SENP7: variants seen among roughly 807,000 people sequenced by gnomAD.
The protein encoded by SENP7 is SUMO specific peptidase 7.
A neutral mutation model predicts 141.2 loss-of-function variants in SENP7; 64 were observed. That is an observed-to-expected ratio of 0.45 (90% CI 0.37 to 0.56). SENP7 has a LOEUF of 0.56. Ranked by LOEUF, SENP7 falls within the 20% of genes least tolerant of loss-of-function variation. The pLI, the probability that SENP7 is intolerant of heterozygous loss-of-function variation, is 0.00. For missense variants in SENP7, 1,025 were observed against 1,212.2 expected, an observed-to-expected ratio of 0.85 and a Z score of 2.29; for synonymous variants, 382 against 426.4, an observed-to-expected ratio of 0.90 and a Z score of 1.28.
Position 101,457,542 on chromosome 3 carries a change from T to C in SENP7, c.284+1413A>G, listed in dbSNP as rs186056743. 1.3e-3 allele frequency: 2,023 copies of C among 1,604,868 alleles called. 2 individuals are homozygous for C. Among genetic ancestry groups the C allele is most frequent in the Non-Finnish European group, 1.5e-3 (1,805 of 1,173,566 alleles). ...CACTGTTCCTTGGTTTGTAAACATATGCACCTCTTCAATACCAAAGATATT... is the reference window on the plus strand; with the variant it reads ...CACTGTTCCTTGGTTTGTAAACATACGCACCTCTTCAATACCAAAGATATT... On this transcript the variant is annotated intron_variant, in intron 4 of 23. Transcript: ENST00000394095.
chr3:101,386,209 A>G (rs2060646582), intron 6 of SENP7, among the ~76,000 whole-genome samples: 1 of 152,192 alleles, frequency 6.6e-6, no homozygotes, highest in Non-Finnish European at 1.5e-5. Flanking sequence ...TCTCTCAGGC[A>G]CAGAAAAAGG....
intron 16 of SENP7, among the ~76,000 whole-genome samples, chr3:101,339,843 T>A (rs1047737521): frequency 6.6e-6 from 1 of 152,040 alleles, no homozygotes; most frequent in Non-Finnish European, 1.5e-5. Context: ...GAAATTTACA[T>A]CAAAAACTAA....
intron 3 of SENP7, among the ~76,000 whole-genome samples, chr3:101,459,854 C>T (rs1273776238): frequency 6.6e-6 from 1 of 151,710 alleles, no homozygotes; most frequent in Non-Finnish European, 1.5e-5. Flanking sequence ...GATATAAGAT[C>T]GAAAGGCCAA....
intron 12 of SENP7, among the ~76,000 whole-genome samples, chr3:101,349,473 A>G (rs2059557236): frequency 6.6e-6 from 1 of 152,114 alleles, no homozygotes; most frequent in South Asian, 2.1e-4. Flanking sequence ...TCATTGTTCA[A>G]TTCCCACCTA....
chr3:101,365,398 G>A (rs2060009431), intron 9 of SENP7, among the ~76,000 whole-genome samples: 1 of 151,828 alleles, frequency 6.6e-6, no homozygotes, highest in South Asian at 2.1e-4. Context: ...CACTTTGGGA[G>A]GCTGAGGTGG....
At chr3:101,362,662 T>G (rs944939229) in intron 10 of SENP7, among the ~76,000 whole-genome samples, 4 of 152,188 alleles carry the variant, frequency 2.6e-5, no homozygotes, top group Admixed American at 6.5e-5. Context: ...CCCATCTTTA[T>G]GCCTGTGTGC....
At chr3:101,463,396 T>TACACAC (rs1553744609) in intron 3 of SENP7, among the ~76,000 whole-genome samples, 10 of 82,860 alleles carry the variant, frequency 1.2e-4, no homozygotes, top group Non-Finnish European at 2.3e-4. Context: ...TATATATATA[T>TACACAC]ACATATATAT....
At chr3:101,505,894 T>C (rs2065584315) in intron 1 of SENP7, among the ~76,000 whole-genome samples, 1 of 152,176 alleles carries the variant, frequency 6.6e-6, no homozygotes, top group African/African-American at 2.4e-5. Flanking sequence ...AGTATCTCCC[T>C]TTAAAAGACT....
Position 101,513,037 on chromosome 3 carries a change from C to G in SENP7, c.40+54G>C, listed in dbSNP as rs2108234369. On this transcript the variant is annotated intron_variant, in intron 1 of 23. Coordinates refer to ENST00000394095, the MANE Select transcript of SENP7 (RefSeq NM_020654.5). ...AACCCCAGCTGCCGCCTGCGCCTCC[C>G]GTTTCCCCCGGGTAGGAGACAATAT... 6 of 1,594,542 alleles carry G rather than the reference C, an allele frequency of 3.8e-6. No homozygotes were observed. In the East Asian group the frequency reaches 8.9e-5, roughly 24 times the overall value.
intron 10 of SENP7, among the ~76,000 whole-genome samples, chr3:101,362,140 C>T (rs895077965): frequency 1.3e-5 from 2 of 152,144 alleles, no homozygotes; most frequent in African/African-American, 2.4e-5. Context: ...CATGGTTTCA[C>T]ATTCAATAGT....
At chr3:101,401,598 AAC>A (rs760829921) in intron 5 of SENP7, among the ~76,000 whole-genome samples, 69 of 152,178 alleles carry the variant, frequency 4.5e-4, no homozygotes, top group Non-Finnish European at 9.3e-4. Flanking sequence ...AAGAAAGCAA[AAC>A]AGTCTTACTG....
chr3:101,420,363 G>A (rs1172983833), intron 4 of SENP7, among the ~76,000 whole-genome samples: 1 of 126,238 alleles, frequency 7.9e-6, no homozygotes, highest in Non-Finnish European at 1.7e-5. Flanking sequence ...GCGAGACTCC[G>A]TCTCAAAAAA....
intron 6 of SENP7, among the ~76,000 whole-genome samples, chr3:101,396,789 G>T (rs1310978376): frequency 6.6e-6 from 1 of 152,116 alleles, no homozygotes; most frequent in African/African-American, 2.4e-5. Flanking sequence ...AGAGGAGGTG[G>T]AAATAAACAG....
At chr3:101,369,037 T>C (rs1271866060) in intron 7 of SENP7, among the ~76,000 whole-genome samples, 1 of 152,210 alleles carries the variant, frequency 6.6e-6, no homozygotes, top group Non-Finnish European at 1.5e-5. Flanking sequence ...AATAAATCCA[T>C]CATTCTAGAG....
chr3:101,433,769 A>C (rs562677640), intron 4 of SENP7, among the ~76,000 whole-genome samples: 13 of 152,162 alleles, frequency 8.5e-5, no homozygotes, highest in Non-Finnish European at 1.8e-4. Flanking sequence ...AGATATACCA[A>C]GGAAATAATA....
At chr3:101,475,538 G>A (rs2064181176) in intron 3 of SENP7, among the ~76,000 whole-genome samples, 1 of 152,158 alleles carries the variant, frequency 6.6e-6, no homozygotes. Flanking sequence ...ACACACTGGA[G>A]CCTGTCAGGG....
At chr3:101,393,340 G>T (rs910236479) in intron 6 of SENP7, among the ~76,000 whole-genome samples, 1 of 152,056 alleles carries the variant, frequency 6.6e-6, no homozygotes, top group Admixed American at 6.6e-5. Context: ...AGACAAAAGG[G>T]ATTACATCAA....
chr3:101,400,538 T>A (rs2061104720), intron 5 of SENP7, among the ~76,000 whole-genome samples: 1 of 150,226 alleles, frequency 6.7e-6, no homozygotes, highest in South Asian at 2.2e-4. Flanking sequence ...TGATCTGTAA[T>A]CAGTGATATT....
At chr3:101,503,617 A>C (rs1049600864) in intron 1 of SENP7, among the ~76,000 whole-genome samples, 84 of 152,232 alleles carry the variant, frequency 5.5e-4, no homozygotes, top group African/African-American at 1.9e-3. Context: ...GAAATTCAAG[A>C]AGAGTTAAAA....
Sources: allele counts gnomAD v4.1 joint callset (sites outside exome capture counted in the v4.1 genomes callset), GRCh38; gene constraint gnomAD v4.1.1; transcripts MANE v1.5; gene names NCBI Gene and HGNC (gene_info 2026-07-23, HGNC 2026-07-21).